The following GPC5 variants were observed in gnomAD, a reference collection of about 807,000 sequenced individuals.
GPC5 encodes glypican-5.
In GPC5, 47 loss-of-function variants were observed where a neutral mutation model predicts 53.9. The ratio of observed to expected loss-of-function variants is 0.87; its 90% CI spans 0.69 to 1.11. The LOEUF (loss-of-function observed/expected upper bound fraction) is 1.11. GPC5 is among the 50% of genes most tolerant of loss of function. The pLI is 0.00. For missense variants in GPC5, 748 were observed against 713.1 expected, an observed-to-expected ratio of 1.05 and a Z score of -0.56; for synonymous variants, 286 against 263.3, an observed-to-expected ratio of 1.09 and a Z score of -0.84.
chr13:91,495,490 C>T (rs1316646442), intron 2 of GPC5, among the ~76,000 whole-genome samples: 5 of 152,162 alleles, frequency 3.3e-5, no homozygotes, highest in African/African-American at 1.2e-4. Context: ...TGATGTCATC[C>T]ATAACTCCTC....
chr13:91,524,282 TTTGCAG>T lies in GPC5; in HGVS notation c.325+75364_325+75369del, dbSNP rs552901570. On this transcript the variant is annotated intron_variant, in intron 2 of 7. Coordinates refer to ENST00000377067, the MANE Select transcript of GPC5 (RefSeq NM_004466.6). The stretch of plus-strand genomic sequence containing the variant: ...TGGTTTAACAGCTTTTCTCTGATGC[TTTGCAG>T]TTGAAATTTTCACTCTAAAACATAT... Among the ~76,000 whole-genome samples the T allele has an allele frequency of 6.2e-4, 95 of 152,236 alleles. 1 individual carries two copies. In the South Asian group the frequency reaches 0.019, roughly 31 times the overall value.
At chr13:91,663,230 A>T (rs893073142) in intron 2 of GPC5, among the ~76,000 whole-genome samples, 1 of 152,158 alleles carries the variant, frequency 6.6e-6, no homozygotes, top group Admixed American at 6.5e-5. Context: ...GGAACATAAG[A>T]TTCCTAATAT....
chr13:91,835,181 A>G lies in GPC5; in HGVS notation c.1281-72756A>G, dbSNP rs553224582. 6.6e-5 allele frequency among the ~76,000 whole-genome samples: 10 copies of G among 152,344 alleles called. 1 individual carries two copies. The South Asian group carries it at 1.4e-3, about 22-fold the overall frequency. On this transcript the variant is annotated intron_variant, in intron 5 of 7. Transcript: ENST00000377067. ...TAGAGAAATGCATATCAAAACCACA[A>G]TGAGAAACCATCTCATGCCAGTTGG...
chr13:92,605,277 T>C (rs1434241952), intron 7 of GPC5, among the ~76,000 whole-genome samples: 1 of 152,216 alleles, frequency 6.6e-6, no homozygotes, highest in Non-Finnish European at 1.5e-5. Flanking sequence ...TTACTAGATT[T>C]ATAAATTTTT....
At chr13:92,072,568 AAT>A (rs1491299949) in intron 6 of GPC5, among the ~76,000 whole-genome samples, 1 of 103,166 alleles carries the variant, frequency 9.7e-6, no homozygotes, top group East Asian at 2.9e-4. Flanking sequence ...CTGGCCACTA[AAT>A]TTTTTTTTTT....
intron 7 of GPC5, among the ~76,000 whole-genome samples, chr13:92,775,536 C>G (rs7994061): frequency 0.21 from 31,463 of 152,028 alleles, 3,410 homozygotes; most frequent in Middle Eastern, 0.28. Flanking sequence ...CACTAGAACT[C>G]AAATTCAGGC....
At chr13:91,427,284 A>T (rs1046114818) in intron 1 of GPC5, among the ~76,000 whole-genome samples, 4 of 152,200 alleles carry the variant, frequency 2.6e-5, no homozygotes, top group African/African-American at 9.6e-5. Context: ...CAGACACTCA[A>T]TGCCAGCCTG....
At chr13:91,676,525 T>C (rs1272732055) in intron 2 of GPC5, among the ~76,000 whole-genome samples, 1 of 152,184 alleles carries the variant, frequency 6.6e-6, no homozygotes, top group Non-Finnish European at 1.5e-5. Flanking sequence ...GGTAGCAACT[T>C]AGAGTAGTTT....
At chr13:91,726,375 G>A (rs1355436717) in intron 3 of GPC5, among the ~76,000 whole-genome samples, 1 of 152,124 alleles carries the variant, frequency 6.6e-6, no homozygotes, top group Non-Finnish European at 1.5e-5. Context: ...AACTTCTACA[G>A]TGCGGCCTCA....
intron 7 of GPC5, among the ~76,000 whole-genome samples, chr13:92,284,691 G>T (rs560046356): frequency 3.9e-5 from 6 of 152,062 alleles, no homozygotes; most frequent in African/African-American, 1.4e-4. Context: ...AAATTCAACA[G>T]CCCTTCATGC....
intron 7 of GPC5, among the ~76,000 whole-genome samples, chr13:92,245,580 G>A (rs533131619): frequency 2.6e-5 from 4 of 152,204 alleles, no homozygotes; most frequent in African/African-American, 9.6e-5. Context: ...ACAGAAAGTG[G>A]ACATAATACC....
chr13:91,486,138 T>C (rs1883595442), intron 2 of GPC5: 1 of 152,172 alleles, frequency 6.6e-6, no homozygotes, highest in African/African-American at 2.4e-5. Flanking sequence ...GCTACTATAA[T>C]GTTCAGTTTC....
Position 92,777,890 on chromosome 13 carries a change from C to T in GPC5, c.1562-88392C>T, listed in dbSNP as rs181614518. Among the ~76,000 whole-genome samples the T allele has an allele frequency of 5.9e-5, 9 of 152,250 alleles. No individual in the cohort carries two copies. In the East Asian group the frequency reaches 1.7e-3, roughly 29 times the overall value. ...GATATTGTGTACACCTAGCACTTAC[C>T]ACAATGCTTAGTAGTGCCACTGAAT... is the stretch of plus-strand genomic sequence containing the variant. On this transcript the variant is annotated intron_variant, in intron 7 of 7. Coordinates refer to ENST00000377067, the MANE Select transcript of GPC5 (RefSeq NM_004466.6).
rs551143047 is a variant in GPC5, at chr13:91,989,770, A to T, written c.1401+81713A>T. Among the ~76,000 whole-genome samples, 3 of 152,316 alleles carry T rather than the reference A, an allele frequency of 2.0e-5. No individual in the cohort carries two copies. The East Asian group carries it at 5.8e-4, about 29-fold the overall frequency. On this transcript the variant is annotated intron_variant, in intron 6 of 7. Coordinates refer to ENST00000377067, the MANE Select transcript of GPC5 (RefSeq NM_004466.6). ...GCAAGAATTATATTATCACCAATAC[A>T]CAATAATTACTATGAATGCTACACA...
At chr13:92,748,203 C>T (rs1889285747) in intron 7 of GPC5, among the ~76,000 whole-genome samples, 1 of 151,670 alleles carries the variant, frequency 6.6e-6, no homozygotes, top group African/African-American at 2.4e-5. Flanking sequence ...AGTATGAACT[C>T]AGTACTTACG....
intron 1 of GPC5, among the ~76,000 whole-genome samples, chr13:91,440,823 C>T (rs1175915435): frequency 6.6e-6 from 1 of 152,192 alleles, no homozygotes; most frequent in Non-Finnish European, 1.5e-5. Flanking sequence ...TTCCTTCATC[C>T]TTAGCTTGCC....
intron 7 of GPC5, among the ~76,000 whole-genome samples, chr13:92,571,919 C>G (rs1883037386): frequency 6.6e-6 from 1 of 151,970 alleles, no homozygotes; most frequent in Non-Finnish European, 1.5e-5. Flanking sequence ...CCTGTGGTCC[C>G]AGCTACTCAG....
At chr13:92,630,749 A>G (rs372207560) in intron 7 of GPC5, among the ~76,000 whole-genome samples, 35 of 152,152 alleles carry the variant, frequency 2.3e-4, no homozygotes, top group Admixed American at 5.9e-4. Context: ...GTTCAGTCAC[A>G]ATCCATATGC....
chr13:91,562,188 T>TAAAAAAAAAA (rs10603242), intron 2 of GPC5, among the ~76,000 whole-genome samples: 51 of 45,064 alleles, frequency 1.1e-3, no homozygotes, highest in Non-Finnish European at 1.5e-3. Context: ...GGAGCAACAG[T>TAAAAAAAAAA]AAAAAAAAAA....
Sources: gnomAD v4.1 joint callset for allele counts (sites outside exome capture counted in the v4.1 genomes callset) on GRCh38, gnomAD v4.1.1 for gene constraint, MANE v1.5 for transcripts, NCBI Gene and HGNC (gene_info 2026-07-23, HGNC 2026-07-21) for gene names.